The following KIAA1328 variants were observed in gnomAD, a reference collection of about 807,000 sequenced individuals.
KIAA1328 encodes KIAA1328.
In KIAA1328, 52 loss-of-function variants were observed where a neutral mutation model predicts 68.1. The observed-to-expected ratio is 0.76, with a 90% CI of 0.61 to 0.96. KIAA1328 has a LOEUF of 0.96. KIAA1328 is among the 40% of genes least tolerant of loss of function. KIAA1328 has a pLI of 0.00. For synonymous variants in KIAA1328, 232 were observed against 239.4 expected, an observed-to-expected ratio of 0.97 and a Z score of 0.28; for missense variants, 641 against 677.6, an observed-to-expected ratio of 0.95 and a Z score of 0.60.
intron 6 of KIAA1328, among the ~76,000 whole-genome samples, chr18:37,018,983 G>A (rs921040094): frequency 2.0e-5 from 3 of 152,000 alleles, no homozygotes; most frequent in African/African-American, 7.3e-5. Context: ...TACTTTTGTG[G>A]TATCATTACA....
chr18:37,057,921 C>T (rs1335568953), intron 6 of KIAA1328, among the ~76,000 whole-genome samples: 1 of 152,098 alleles, frequency 6.6e-6, no homozygotes, highest in African/African-American at 2.4e-5. Flanking sequence ...AAAAAGTTTG[C>T]CGACCTTGTC....
intron 7 of KIAA1328, among the ~76,000 whole-genome samples, chr18:37,128,570 A>G (rs1599368277): frequency 6.6e-6 from 1 of 152,134 alleles, no homozygotes; most frequent in African/African-American, 2.4e-5. Flanking sequence ...GCAAAATGAT[A>G]CAGCCACTTT....
intron 5 of KIAA1328, among the ~76,000 whole-genome samples, chr18:36,942,377 A>T (rs1471517365): frequency 6.6e-6 from 1 of 152,160 alleles, no homozygotes; most frequent in African/African-American, 2.4e-5. Context: ...AGCAGAACTG[A>T]CTGTATATGA....
intron 5 of KIAA1328, among the ~76,000 whole-genome samples, chr18:36,952,821 G>A (rs779545881): frequency 2.6e-5 from 4 of 152,136 alleles, no homozygotes; most frequent in Non-Finnish European, 4.4e-5. Flanking sequence ...CATAGTAACA[G>A]TTTGTCACCT....
At chr18:37,079,980 G>A (rs2056895016) in intron 7 of KIAA1328, among the ~76,000 whole-genome samples, 1 of 151,480 alleles carries the variant, frequency 6.6e-6, no homozygotes, top group Non-Finnish European at 1.5e-5. Context: ...ATTTTATCAA[G>A]TTATATTTTA....
chr18:36,895,734 C>T lies in KIAA1328; in HGVS notation c.448+10062C>T, dbSNP rs1375609840. On this transcript the variant is annotated intron_variant, in intron 5 of 9. Transcript: ENST00000280020. ...AATTCATATGTTGAAGCTCTAACCCCCAGTGAGAATGTAGCTGAAGATAGG... is the reference window on the plus strand; with the variant it reads ...AATTCATATGTTGAAGCTCTAACCCTCAGTGAGAATGTAGCTGAAGATAGG... 3 of 455,848 alleles carry T rather than the reference C, an allele frequency of 6.6e-6. No homozygotes were observed. The East Asian group carries it at 2.1e-4, about 32-fold the overall frequency. 28.2% of individuals were successfully genotyped at this position (455,848 alleles called of 1,614,324 possible). A position where few individuals can be genotyped will look rare whatever the true frequency, so the allele number is the denominator to read the frequency against.
chr18:36,927,376 T>C (rs2050157197), intron 5 of KIAA1328, among the ~76,000 whole-genome samples: 1 of 152,220 alleles, frequency 6.6e-6, no homozygotes, highest in Non-Finnish European at 1.5e-5. Context: ...GCATAATTGT[T>C]ACTTAGAGAA....
In KIAA1328 at chr18:36,959,293, A is replaced by T; in HGVS notation, c.449-15A>T. On this transcript the variant is annotated splice_polypyrimidine_tract_variant and intron_variant, in intron 5 of 9. Transcript: ENST00000280020. ...ATCAATTTTTCAGTTTTTTTCCCTT[A>T]ATTTGCAATCTCACCTCTTCAGCTA... The T allele has an allele frequency of 6.4e-7, 1 of 1,554,914 alleles. No homozygotes were observed. The highest frequency in any genetic ancestry group is 2.3e-5 in the Admixed American group (1 of 44,096).
intron 6 of KIAA1328, among the ~76,000 whole-genome samples, chr18:36,990,195 T>C (rs967736387): frequency 6.6e-6 from 1 of 152,170 alleles, no homozygotes; most frequent in Admixed American, 6.5e-5. Context: ...AATGGTCTAA[T>C]CTTATACATT....
At chr18:36,913,515 CACACA>C (rs1413426809) in intron 5 of KIAA1328, among the ~76,000 whole-genome samples, 3 of 118,686 alleles carry the variant, frequency 2.5e-5, no homozygotes, top group Non-Finnish European at 5.6e-5. Flanking sequence ...CACACACACA[CACACA>C]CACTTAGAGG....
chr18:36,956,792 G>C (rs992764068), intron 5 of KIAA1328, among the ~76,000 whole-genome samples: 2 of 152,150 alleles, frequency 1.3e-5, no homozygotes, highest in Admixed American at 6.5e-5. Context: ...TGTGGTAACA[G>C]CGAGAATAAA....
intron 3 of KIAA1328, among the ~76,000 whole-genome samples, chr18:36,841,838 A>G (rs1384677305): frequency 1.3e-5 from 2 of 152,104 alleles, no homozygotes; most frequent in Non-Finnish European, 2.9e-5. Context: ...TATTTCATAT[A>G]TATTTGGAAC....
Position 37,067,462 on chromosome 18 carries a change from C to T in KIAA1328, c.1149C>T (p.Arg383=). The T allele has an allele frequency of 6.4e-7, 1 of 1,566,564 alleles. No homozygotes were observed. Among genetic ancestry groups the T allele is most frequent in the Non-Finnish European group, 8.6e-7 (1 of 1,156,582 alleles). Residue 383 remains arginine, a synonymous_variant, in exon 7 of 10, where the codon CGC becomes CGT. Coordinates refer to ENST00000280020, the MANE Select transcript of KIAA1328 (RefSeq NM_020776.3). ...TGGAACTGGAAATTGAAAAGGAGCGCCTTCAGCATCTGCTGGCCCAGCAGG... is the reference window on the plus strand; with the variant it reads ...TGGAACTGGAAATTGAAAAGGAGCGTCTTCAGCATCTGCTGGCCCAGCAGG... The part of the protein sequence containing the change: ...QKMELEIEKE[R]LQHLLAQQET...
At chr18:36,916,551 T>C (rs1478955833) in intron 5 of KIAA1328, among the ~76,000 whole-genome samples, 1 of 152,118 alleles carries the variant, frequency 6.6e-6, no homozygotes, top group Non-Finnish European at 1.5e-5. Context: ...GTCATTTTTG[T>C]TGTTGTTTTT....
In KIAA1328 at chr18:37,212,994, C is replaced by T. The variant is rs2060347043; in HGVS notation, c.1524-9023C>T. Among the ~76,000 whole-genome samples, 6 of 152,226 alleles carry T rather than the reference C, an allele frequency of 3.9e-5. No individual in the cohort carries two copies. In the South Asian group the frequency reaches 1.2e-3, roughly 31 times the overall value. ...TCAGCCTCCCAAAGTGCTGGGATTACAGGCGTGCGCCACTGCACACACTGC... is the reference window on the plus strand; with the variant it reads ...TCAGCCTCCCAAAGTGCTGGGATTATAGGCGTGCGCCACTGCACACACTGC... On this transcript the variant is annotated intron_variant, in intron 9 of 9. Coordinates refer to ENST00000280020, the MANE Select transcript of KIAA1328 (RefSeq NM_020776.3).
chr18:37,132,113 A>G (rs2058536903), intron 7 of KIAA1328, among the ~76,000 whole-genome samples: 1 of 152,170 alleles, frequency 6.6e-6, no homozygotes, highest in African/African-American at 2.4e-5. Flanking sequence ...AGATTTCAGA[A>G]TTGCTGTTTA....
intron 9 of KIAA1328, among the ~76,000 whole-genome samples, chr18:37,199,195 C>T (rs918205252): frequency 1.3e-5 from 2 of 152,112 alleles, no homozygotes; most frequent in African/African-American, 4.8e-5. Flanking sequence ...ATTTTATCCC[C>T]TCGGTATGAA....
chr18:36,987,494 AT>A (rs1040450576), intron 6 of KIAA1328, among the ~76,000 whole-genome samples: 5 of 60,984 alleles, frequency 8.2e-5, no homozygotes, highest in Non-Finnish European at 1.1e-4. Flanking sequence ...ATAAAAAAAA[AT>A]AAATAAATAA....
At chr18:36,882,998 C>T (rs995855652) in intron 4 of KIAA1328, among the ~76,000 whole-genome samples, 28 of 152,170 alleles carry the variant, frequency 1.8e-4, no homozygotes, top group Admixed American at 1.3e-4. Flanking sequence ...AAACTCTATA[C>T]TGAATAAAAT....
Sources: gnomAD v4.1 joint callset for allele counts (sites outside exome capture counted in the v4.1 genomes callset) on GRCh38, gnomAD v4.1.1 for gene constraint, MANE v1.5 for transcripts, NCBI Gene and HGNC (gene_info 2026-07-23, HGNC 2026-07-21) for gene names.